The following TIMP2 variants were observed in gnomAD, a reference collection of about 807,000 sequenced individuals.
The protein encoded by TIMP2 is TIMP metallopeptidase inhibitor 2.
In TIMP2, 5 loss-of-function variants were observed where a neutral mutation model predicts 24.3. The observed-to-expected ratio is 0.21, with a 90% CI of 0.11 to 0.43. The LOEUF is 0.43. Ranked by LOEUF, TIMP2 falls within the 20% of genes least tolerant of loss-of-function variation. The probability of loss-of-function intolerance (pLI) is 1.00; values close to 1 mark genes in which losing one functional copy is unlikely to be tolerated. For missense variants in TIMP2, 221 were observed against 297.5 expected (o/e 0.74, Z 1.89); for synonymous variants, 130 against 123.2 (o/e 1.06, Z -0.37).
At chr17:78,870,818 GGGAAACGAGCCCT>G in intron 3 of TIMP2, 67 bp downstream of exon 3, 1 of 1,279,560 alleles carries the variant, frequency 7.8e-7, no homozygotes, top group East Asian at 2.4e-5. Context: ...CCCCGAGCCT[GGGAAACGAGCCCT>G]GGACCGCGTC....
chr17:78,884,021 T>C (rs2069803374), intron 1 of TIMP2, among the ~76,000 whole-genome samples: 1 of 152,180 alleles, frequency 6.6e-6, no homozygotes, highest in Non-Finnish European at 1.5e-5. Flanking sequence ...TGCGGCTTTG[T>C]GGAGGGAAGT....
Position 78,891,998 on chromosome 17 carries a change from T to G in TIMP2, c.131-18079A>C, listed in dbSNP as rs1415119982. On this transcript the variant is annotated intron_variant, in intron 1 of 4. Coordinates refer to ENST00000262768, the MANE Select transcript of TIMP2 (RefSeq NM_003255.5). This position sits in a 1 kb window ranked among gnomAD's most constrained non-coding sequence, Gnocchi z 4.5. ...CTCTTCACTAAGGGCTGCTCTATGC[T>G]TCTCCTTGGCCCTCGGGGGCCTGGC... 1 of 1,550,584 alleles carries G rather than the reference T, an allele frequency of 6.4e-7. No individual in the cohort carries two copies. The highest frequency in any genetic ancestry group is 2.4e-5 in the East Asian group (1 of 40,918).
At chr17:78,867,762 A>AT (rs954779940) in intron 3 of TIMP2, among the ~76,000 whole-genome samples, 44 of 147,672 alleles carry the variant, frequency 3.0e-4, no homozygotes, top group African/African-American at 5.5e-4. Context: ...CGCCCGGCTA[A>AT]TTTTTTTTTT....
chr17:78,918,976 T>C (rs1247407624), intron 1 of TIMP2, among the ~76,000 whole-genome samples: 1 of 32,750 alleles, frequency 3.1e-5, no homozygotes, highest in African/African-American at 1.0e-4. Context: ...CAAGACTCCG[T>C]CTCAAAAAAA....
chr17:78,878,824 C>A (rs1359973110), intron 1 of TIMP2, among the ~76,000 whole-genome samples: 1 of 152,092 alleles, frequency 6.6e-6, no homozygotes, highest in African/African-American at 2.4e-5. Context: ...CCCTGGGGAA[C>A]AGAATTCAGA....
intron 1 of TIMP2, among the ~76,000 whole-genome samples, chr17:78,882,983 C>T (rs1314777707): frequency 1.3e-5 from 2 of 152,306 alleles, no homozygotes; most frequent in East Asian, 3.9e-4. Flanking sequence ...GCGGGTGCGG[C>T]AGACCTCCTC....
chr17:78,908,009 T>C (rs183038685), intron 1 of TIMP2, among the ~76,000 whole-genome samples: 95 of 152,080 alleles, frequency 6.2e-4, no homozygotes, highest in Non-Finnish European at 1.0e-3. Flanking sequence ...GTGGTGTGTG[T>C]CTGTGGTCCC....
chr17:78,881,551 G>A (rs772124033), intron 1 of TIMP2, among the ~76,000 whole-genome samples: 6 of 152,270 alleles, frequency 3.9e-5, no homozygotes, highest in Non-Finnish European at 8.8e-5. Context: ...AGACGCAAAC[G>A]CGGTAACTGC....
intron 1 of TIMP2, chr17:78,905,094 C>G (rs546857500): frequency 1.3e-5 from 2 of 151,940 alleles, no homozygotes; most frequent in Non-Finnish European, 2.9e-5. Flanking sequence ...GAGCCGAAAT[C>G]GCACCACTGA....
chr17:78,908,317 C>G (rs1446862091), intron 1 of TIMP2, among the ~76,000 whole-genome samples: 1 of 152,142 alleles, frequency 6.6e-6, no homozygotes, highest in African/African-American at 2.4e-5. Flanking sequence ...AATTATTTCT[C>G]TCAGAAAAAC....
rs1030372632 is a variant in TIMP2, at chr17:78,854,185, G to A, written c.*1482C>T. Reference sequence around the variant, plus strand: ...GACCACGCCCAGGCCGCCAAGCTTCGGTTTCATTGCGTGTGTATGTTTACA... The same window carrying A: ...GACCACGCCCAGGCCGCCAAGCTTCAGTTTCATTGCGTGTGTATGTTTACA... On this transcript the variant is annotated 3_prime_UTR_variant, in exon 5 of 5. Transcript: ENST00000262768. 2 of 152,020 alleles carry A rather than the reference G, an allele frequency of 1.3e-5. No individual in the cohort carries two copies. The highest frequency in any genetic ancestry group is 2.1e-4 in the South Asian group (1 of 4,818). The allele number at this position is 152,020 out of a possible 1,614,324, so 9.4% of individuals were successfully genotyped here.
chr17:78,912,057 C>T (rs1038351563), intron 1 of TIMP2, among the ~76,000 whole-genome samples: 4 of 151,866 alleles, frequency 2.6e-5, no homozygotes, highest in African/African-American at 9.7e-5. Flanking sequence ...GAGTGAGACT[C>T]TGTCTCAAAA....
At chr17:78,899,594 T>A (rs1599168063) in intron 1 of TIMP2, 2 of 152,168 alleles carry the variant, frequency 1.3e-5, no homozygotes, top group South Asian at 4.1e-4. Context: ...TTGAGAACGG[T>A]CAAGCAGCTC....
chr17:78,925,036 G>A lies in TIMP2; in HGVS notation c.53C>T (p.Ala18Val), dbSNP rs1302248958. The part of the protein sequence containing the change: ...LRLALGLLLL[A>V]TLLRPADACS... Reference sequence around the variant, plus strand: ...GGCGTCGGCCGGGCGAAGCAGCGTCGCCAGCAGCAGGAGGCCGAGCGCCAG... The same window carrying A: ...GGCGTCGGCCGGGCGAAGCAGCGTCACCAGCAGCAGGAGGCCGAGCGCCAG... Residue 18 changes from alanine to valine, a missense_variant, in exon 1 of 5, where the codon GCG (alanine) becomes GTG (valine). Ala to Val is a moderately conservative substitution (Grantham distance 64, BLOSUM62 0). Transcript: ENST00000262768. 3.4e-6 allele frequency: 4 copies of A among 1,192,520 alleles called. No individual in the cohort carries two copies. The highest frequency in any genetic ancestry group is 3.3e-5 in the African/African-American group (2 of 60,906). 73.9% of individuals were successfully genotyped at this position (1,192,520 alleles called of 1,614,324 possible). A position where few individuals can be genotyped will look rare whatever the true frequency, so the allele number is the denominator to read the frequency against.
At chr17:78,892,617 G>C in intron 1 of TIMP2, 1 of 1,135,312 alleles carries the variant, frequency 8.8e-7, no homozygotes, top group Non-Finnish European at 1.2e-6. Flanking sequence ...CCCACTCTCA[G>C]CCTCCCAATT....
intron 1 of TIMP2, among the ~76,000 whole-genome samples, chr17:78,923,386 TGGGGCGGGGTGGGGGGG>T (rs1159339366): frequency 1.3e-4 from 1 of 7,862 alleles, no homozygotes; most frequent in Non-Finnish European, 1.9e-3. Flanking sequence ...AGTGTGTGTG[TGGGGCGGGGTGGGGGGG>T]GGGGCGGGAG....
At chr17:78,876,304 C>T (rs1398033420) in intron 1 of TIMP2, among the ~76,000 whole-genome samples, 1 of 152,132 alleles carries the variant, frequency 6.6e-6, no homozygotes, top group Non-Finnish European at 1.5e-5. Context: ...TACTTGTCTG[C>T]CCTGAACACG....
chr17:78,894,063 T>C (rs374406664), intron 1 of TIMP2, among the ~76,000 whole-genome samples: 11 of 152,218 alleles, frequency 7.2e-5, no homozygotes, highest in Middle Eastern at 3.2e-3. Context: ...TGAAGTCACA[T>C]GTAGTTGCAG....
At chr17:78,882,319 G>T (rs1302926187) in intron 1 of TIMP2, among the ~76,000 whole-genome samples, 1 of 152,160 alleles carries the variant, frequency 6.6e-6, no homozygotes, top group Non-Finnish European at 1.5e-5. Context: ...GGGTGTACCA[G>T]GGGCCCCTCT....
Sources: allele counts gnomAD v4.1 joint callset (sites outside exome capture counted in the v4.1 genomes callset), GRCh38; gene constraint gnomAD v4.1.1; non-coding constraint Gnocchi (gnomAD v3.1); transcripts MANE v1.5; gene names NCBI Gene and HGNC (gene_info 2026-07-23, HGNC 2026-07-21).